WDR72: variants seen among roughly 807,000 people sequenced by gnomAD.
WDR72 encodes WD repeat domain 72, also known as WD repeat-containing protein 72.
In WDR72, 120 loss-of-function variants were observed where a neutral mutation model predicts 124.2. The ratio of observed to expected loss-of-function variants is 0.97; its 90% confidence interval spans 0.83 to 1.12. The LOEUF is 1.12. WDR72 is among the 50% of genes most tolerant of loss of function. WDR72 has a pLI of 0.00. For synonymous variants in WDR72, 452 were observed against 441.7 expected, an observed-to-expected ratio of 1.02 and a Z score of -0.29; for missense variants, 1,387 against 1,278.8, an observed-to-expected ratio of 1.08 and a Z score of -1.29.
At chr15:53,637,699 C>A (rs2014676670) in intron 14 of WDR72, among the ~76,000 whole-genome samples, 1 of 152,144 alleles carries the variant, frequency 6.6e-6, no homozygotes, top group African/African-American at 2.4e-5. Context: ...TCCTTCCCCT[C>A]TTCTCAGCTT....
At position 53,671,548 on chromosome 15, in the gene WDR72, T is replaced by C. The variant is rs2015989586; in HGVS notation, c.1766-5780A>G. 2.6e-5 allele frequency among the ~76,000 whole-genome samples: 4 copies of C among 152,216 alleles called. No homozygotes were observed. The South Asian group carries it at 6.2e-4, about 24-fold the overall frequency. Reference sequence around the variant, plus strand: ...CCGAAGAAATTGAAGAATTTTATCCTTTCCCTGAGGCAGTGAAAAGAGGTG... The same window carrying C: ...CCGAAGAAATTGAAGAATTTTATCCCTTCCCTGAGGCAGTGAAAAGAGGTG... On this transcript the variant is annotated intron_variant, in intron 13 of 19. Coordinates refer to ENST00000360509, the MANE Select transcript of WDR72 (RefSeq NM_182758.4).
At chr15:53,603,438 G>T (rs1461249548) in intron 17 of WDR72, among the ~76,000 whole-genome samples, 1 of 152,122 alleles carries the variant, frequency 6.6e-6, no homozygotes, top group Admixed American at 6.6e-5. Flanking sequence ...AGACAAGGAT[G>T]CCCTCTCTTA....
At chr15:53,714,591 A>T (rs748040480) in intron 5 of WDR72, 81 bp from the exon 6 acceptor site, 27 of 1,102,926 alleles carry the variant, frequency 2.4e-5, no homozygotes, top group Non-Finnish European at 3.6e-5. Flanking sequence ...GTCATTTAAG[A>T]ATTACGCAGG....
chr15:53,676,717 C>G (rs1442252359), intron 13 of WDR72, among the ~76,000 whole-genome samples: 2 of 152,092 alleles, frequency 1.3e-5, no homozygotes, highest in Non-Finnish European at 2.9e-5. Context: ...AAATAGAGAA[C>G]CTGGTTGAGT....
intron 18 of WDR72, among the ~76,000 whole-genome samples, chr15:53,573,006 G>A (rs1370886451): frequency 6.6e-6 from 1 of 152,188 alleles, no homozygotes; most frequent in Non-Finnish European, 1.5e-5. Flanking sequence ...TTATAGTTGG[G>A]TTGGGAGGAG....
At chr15:53,697,220 A>T (rs535286455) in intron 13 of WDR72, among the ~76,000 whole-genome samples, 104 of 152,338 alleles carry the variant, frequency 6.8e-4, no homozygotes, top group Middle Eastern at 3.4e-3. Context: ...TATGTCCATA[A>T]TGACAACTCT....
At chr15:53,599,670 G>T (rs2140343365) in intron 17 of WDR72, among the ~76,000 whole-genome samples, 1 of 152,120 alleles carries the variant, frequency 6.6e-6, no homozygotes, top group African/African-American at 2.4e-5. Context: ...CTTATGGCTG[G>T]CCTCTCACCC....
At chr15:53,634,889 G>T (rs1442335851) in intron 14 of WDR72, among the ~76,000 whole-genome samples, 2 of 152,222 alleles carry the variant, frequency 1.3e-5, no homozygotes, top group Non-Finnish European at 2.9e-5. Flanking sequence ...AGGCAGCAAA[G>T]GTAGTAGTGC....
chr15:53,701,793 T>A (rs28429451), intron 12 of WDR72, among the ~76,000 whole-genome samples: 104 of 151,604 alleles, frequency 6.9e-4, no homozygotes, highest in African/African-American at 2.3e-3. Context: ...TCTACTTTTT[T>A]AAAAAAAAGA....
intron 1 of WDR72, among the ~76,000 whole-genome samples, chr15:53,755,523 ACT>A (rs1324784548): frequency 6.6e-6 from 1 of 152,264 alleles, no homozygotes; most frequent in East Asian, 1.9e-4. Context: ...AGAGAAGAAA[ACT>A]ATGCAATGCA....
At chr15:53,678,020 A>C (rs2016237968) in intron 13 of WDR72, among the ~76,000 whole-genome samples, 1 of 152,192 alleles carries the variant, frequency 6.6e-6, no homozygotes, top group Non-Finnish European at 1.5e-5. Flanking sequence ...GCAAGGCCAT[A>C]ATGCTATGTG....
chr15:53,701,787 C>CT lies in WDR72; in HGVS notation c.1569+346dup, dbSNP rs1013315434. Reference sequence around the variant, plus strand: ...GACTTGTTTTTGCCTTGAGTATCTACTTTTTTAAAAAAAAGATAATTCCAT... The same window carrying CT: ...GACTTGTTTTTGCCTTGAGTATCTACTTTTTTTAAAAAAAAGATAATTCCAT... On this transcript the variant is annotated intron_variant, in intron 12 of 19. Transcript: ENST00000360509. Among the ~76,000 whole-genome samples the CT allele has an allele frequency of 4.0e-5, 6 of 151,456 alleles. No homozygotes were observed. The East Asian group carries it at 5.8e-4, about 15-fold the overall frequency.
At chr15:53,760,544 G>A (rs1433387716), upstream of WDR72, among the ~76,000 whole-genome samples, 3 of 152,052 alleles carry the variant, frequency 2.0e-5, no homozygotes, top group African/African-American at 4.8e-5. Context: ...GTACTCCACC[G>A]TGTATATGTA....
intron 14 of WDR72, among the ~76,000 whole-genome samples, chr15:53,630,543 G>C (rs974838257): frequency 6.6e-6 from 1 of 152,052 alleles, no homozygotes; most frequent in Admixed American, 6.5e-5. Flanking sequence ...CCCACATATA[G>C]AGTTGACTTA....
rs1256348259 is a variant in WDR72, at chr15:53,605,474, T to C, written c.2952+4039A>G. Among the ~76,000 whole-genome samples the C allele has an allele frequency of 3.3e-5, 5 of 152,222 alleles. No individual in the cohort carries two copies. The East Asian group carries it at 7.7e-4, about 23-fold the overall frequency. ...TATCTATGAAACAAACCTGCACTTA[T>C]ACCCCTCAACTTAAAATAAAAGTTT... On this transcript the variant is annotated intron_variant, in intron 17 of 19. Transcript: ENST00000360509.
intron 18 of WDR72, among the ~76,000 whole-genome samples, chr15:53,546,195 C>T (rs1337308269): frequency 6.7e-6 from 1 of 148,362 alleles, no homozygotes; most frequent in Non-Finnish European, 1.5e-5. Flanking sequence ...AATCATGCTG[C>T]TATAAAGACA....
chr15:53,568,664 C>T lies in WDR72; in HGVS notation c.3148+28415G>A, dbSNP rs1246649533. ...GTAAAACAATTCCATTTCCTCCAGT[C>T]ACTCTTCCACATCATGGTTTGAAAA... On this transcript the variant is annotated intron_variant, in intron 18 of 19. Coordinates refer to ENST00000360509, the MANE Select transcript of WDR72 (RefSeq NM_182758.4). Among the ~76,000 whole-genome samples, 3 of 151,944 alleles carry T rather than the reference C, an allele frequency of 2.0e-5. No individual in the cohort carries two copies. In the South Asian group the frequency reaches 6.2e-4, roughly 31 times the overall value.
rs747008911 is a variant in WDR72, at chr15:53,597,265, C to T, written c.2962G>A (p.Ala988Thr). ...WRDQSVQVTE[A>T]IQAVLLAEVQ... ...TCCGCCAAGAGAACAGCTTGTATTG[C>T]TTCAGTTACCTGTAAGGTATTTTTT... is the stretch of plus-strand genomic sequence containing the variant. Residue 988 changes from alanine to threonine, a missense_variant, in exon 18 of 20, where the codon GCA becomes ACA. Coordinates refer to ENST00000360509, the MANE Select transcript of WDR72 (RefSeq NM_182758.4). 1.9e-6 allele frequency: 3 copies of T among 1,613,570 alleles called. No individual in the cohort carries two copies. The highest frequency in any genetic ancestry group is 2.2e-5 in the South Asian group (2 of 91,054).
intron 7 of WDR72, among the ~76,000 whole-genome samples, chr15:53,712,203 G>A (rs2252207): frequency 0.96 from 145,589 of 152,316 alleles, 69,915 homozygotes; most frequent in East Asian, 1. Flanking sequence ...ATTAGGATAT[G>A]CTACTACATA....
Sources: gnomAD v4.1 joint callset for allele counts (sites outside exome capture counted in the v4.1 genomes callset) on GRCh38, gnomAD v4.1.1 for gene constraint, MANE v1.5 for transcripts, NCBI Gene and HGNC (gene_info 2026-07-23, HGNC 2026-07-21) for gene names.